Variants in TAF1A observed in about 807,000 individuals in gnomAD.
TAF1A encodes TATA-box binding protein associated factor, RNA polymerase I subunit A, also known as TATA box-binding protein-associated factor RNA polymerase I subunit A.
A neutral mutation model predicts 61.6 loss-of-function variants in TAF1A; 42 were observed. That is an observed-to-expected ratio of 0.68 (90% CI 0.53 to 0.88). The LOEUF is 0.88. Among genes scored for constraint, TAF1A ranks in the 40% least tolerant of loss-of-function variants. The probability of loss-of-function intolerance (pLI) is 0.00; values close to 1 mark genes in which losing one functional copy is unlikely to be tolerated. For synonymous variants in TAF1A, 179 were observed against 177.7 expected (o/e 1.01, Z -0.06); for missense variants, 424 against 518.7 (o/e 0.82, Z 1.77).
At chr1:222,569,896 C>T (rs3002144) in intron 6 of TAF1A, among the ~76,000 whole-genome samples, 152,032 of 152,298 alleles carry the variant, frequency 1, 75,884 homozygotes, top group Non-Finnish European at 1. Context: ...CACTAATGCT[C>T]GAAAATGTGA....
intron 7 of TAF1A, 99 bp from the exon 8 acceptor site, chr1:222,564,224 T>C (rs1467525589): frequency 1.6e-6 from 1 of 614,942 alleles, no homozygotes; most frequent in African/African-American, 1.9e-5. Flanking sequence ...TCTAATATGC[T>C]CCCTTTAAAT....
At chr1:222,576,090 A>T (rs1483465514) in intron 5 of TAF1A, among the ~76,000 whole-genome samples, 1 of 152,238 alleles carries the variant, frequency 6.6e-6, no homozygotes, top group Non-Finnish European at 1.5e-5. Context: ...ATACACATGA[A>T]AAAACTTAGC....
At chr1:222,554,997 T>C (rs561852718), downstream of TAF1A, among the ~76,000 whole-genome samples, 9 of 152,298 alleles carry the variant, frequency 5.9e-5, no homozygotes, top group African/African-American at 1.7e-4. Context: ...AGGACCTACA[T>C]AGACACTTCT....
chr1:222,585,333 C>G (rs1403381790), intron 2 of TAF1A, among the ~76,000 whole-genome samples: 1 of 151,522 alleles, frequency 6.6e-6, no homozygotes, highest in African/African-American at 2.4e-5. Context: ...TAAGGTTTCT[C>G]AGAATTTATG....
At chr1:222,561,666 T>A (rs1659922908) in intron 9 of TAF1A, 148 bp from the exon 10 acceptor site, 8 of 717,110 alleles carry the variant, frequency 1.1e-5, no homozygotes, top group Non-Finnish European at 1.7e-5. Flanking sequence ...TAACACATGA[T>A]TGGCAACAGC....
rs535786707 is a variant in TAF1A at position 222,569,838 on chromosome 1, A to G, written c.736-170T>C. Among the ~76,000 whole-genome samples, 20 of 152,276 alleles carry G rather than the reference A, an allele frequency of 1.3e-4. No individual in the cohort carries two copies. In the East Asian group the frequency reaches 3.1e-3, roughly 23 times the overall value. On this transcript the variant is annotated intron_variant, in intron 6 of 10. Transcript: ENST00000352967. Reference sequence around the variant, plus strand: ...TACTAATAAACAATGCAGCAACCTCAACATAAATTCTCTTCCTATAAAAAA... The same window carrying G: ...TACTAATAAACAATGCAGCAACCTCGACATAAATTCTCTTCCTATAAAAAA...
intron 1 of TAF1A, 51 bp from the exon 2 acceptor site, chr1:222,588,616 C>CAGAA: frequency 6.3e-7 from 1 of 1,575,308 alleles, no homozygotes; most frequent in East Asian, 2.3e-5. Context: ...AATCCACAGT[C>CAGAA]TTCTGAGTTG....
chr1:222,561,061 A>G (rs1659893920), intron 10 of TAF1A, among the ~76,000 whole-genome samples: 1 of 152,182 alleles, frequency 6.6e-6, no homozygotes, highest in Admixed American at 6.6e-5. Context: ...AAATCTCAGT[A>G]AACTTTCTAT....
intron 5 of TAF1A, among the ~76,000 whole-genome samples, chr1:222,575,393 A>C (rs1327883957): frequency 6.6e-6 from 1 of 152,002 alleles, no homozygotes; most frequent in Non-Finnish European, 1.5e-5. Context: ...CTGTAGTCCC[A>C]AGTCCTTGGG....
At chr1:222,568,000 A>T (rs1022268973) in intron 7 of TAF1A, among the ~76,000 whole-genome samples, 3 of 152,128 alleles carry the variant, frequency 2.0e-5, no homozygotes, top group African/African-American at 7.2e-5. Context: ...CAGACTTCAT[A>T]TACAGCCTAC....
intron 8 of TAF1A, 23 bp from the exon 9 acceptor site, chr1:222,563,319 A>G (rs112922349): frequency 6.2e-7 from 1 of 1,608,768 alleles, no homozygotes; most frequent in Non-Finnish European, 8.5e-7. Context: ...TAACAGTTCA[A>G]GTTTACATAA....
intron 4 of TAF1A, among the ~76,000 whole-genome samples, chr1:222,578,261 T>A (rs1358762962): frequency 6.6e-6 from 1 of 152,088 alleles, no homozygotes; most frequent in African/African-American, 2.4e-5. Context: ...AAGAGGAGAA[T>A]AATGAGAACT....
chr1:222,569,812 C>G, intron 6 of TAF1A, 144 bp from the exon 7 acceptor site: 1 of 708,152 alleles, frequency 1.4e-6, no homozygotes, highest in East Asian at 2.8e-5. Flanking sequence ...TATTTTGTTA[C>G]TACTAATAAA....
chr1:222,585,582 G>A (rs1660979358), intron 2 of TAF1A, among the ~76,000 whole-genome samples: 1 of 152,082 alleles, frequency 6.6e-6, no homozygotes, highest in African/African-American at 2.4e-5. Context: ...AAAGTGCTGG[G>A]ATTATGAGCA....
At chr1:222,568,165 C>A (rs1660191127) in intron 7 of TAF1A, among the ~76,000 whole-genome samples, 1 of 128,612 alleles carries the variant, frequency 7.8e-6, no homozygotes. Context: ...AAACATAAAA[C>A]TATACAACAC....
chr1:222,584,267 G>T lies in TAF1A; in HGVS notation c.152C>A (p.Ala51Asp). 1.2e-6 allele frequency: 2 copies of T among 1,606,446 alleles called. No homozygotes were observed. Residue 51 changes from alanine (A) to aspartate (D), a missense_variant, in exon 3 of 11, where the codon GCT becomes GAT. Ala to Asp is a moderately radical substitution (Grantham distance 126). Coordinates refer to ENST00000352967, the MANE Select transcript of TAF1A (RefSeq NM_005681.4). ...AIGGKRRKDFAQTTSACLSFI... is the reference protein window; with the variant it reads ...AIGGKRRKDFDQTTSACLSFI... ...ACTTAAACAAGCACTTGTTGTCTGAGCAAAATCCTTCCTCCTTTTCCCTCC... is the reference window on the plus strand; with the variant it reads ...ACTTAAACAAGCACTTGTTGTCTGATCAAAATCCTTCCTCCTTTTCCCTCC...
In TAF1A at chr1:222,558,531, T is replaced by C; in HGVS notation, c.*129A>G. ...TCTAGCTATAAATAATACAAAAATA[T>C]AAAAATATATAAAAATAAGTTTTTT... On this transcript the variant is annotated 3_prime_UTR_variant, in exon 11 of 11. Transcript: ENST00000352967. 5.7e-6 allele frequency: 2 copies of C among 353,546 alleles called. No individual in the cohort carries two copies. The highest frequency in any genetic ancestry group is 1.0e-5 in the Non-Finnish European group (2 of 197,586). The allele number at this position is 353,546 out of a possible 1,614,324, so 21.9% of individuals were successfully genotyped here. A position where few individuals can be genotyped will look rare whatever the true frequency, so the allele number is the denominator to read the frequency against.
At position 222,568,602 on chromosome 1, in the gene TAF1A, C is replaced by A. The variant is rs74430774; in HGVS notation, c.894+908G>T. Among the ~76,000 whole-genome samples, 1,039 of 152,224 alleles carry A rather than the reference C, an allele frequency of 6.8e-3. 24 individuals carry two copies. The East Asian group carries it at 0.077, about 11-fold the overall frequency. ...CTATTATTCAAAAGACCTCCAATAC[C>A]AAGTGTTGGCACAGATGTGGAGAAA... On this transcript the variant is annotated intron_variant, in intron 7 of 10. Coordinates refer to ENST00000352967, the MANE Select transcript of TAF1A (RefSeq NM_005681.4).
Position 222,577,481 on chromosome 1 carries a change from T to C in TAF1A, c.568A>G (p.Thr190Ala). 6.2e-7 allele frequency: 1 copy of C among 1,613,930 alleles called. No homozygotes were observed. Among genetic ancestry groups the C allele is most frequent in the Non-Finnish European group, 8.5e-7 (1 of 1,179,896 alleles). Reference sequence around the variant, plus strand: ...AATTCCATCTTCTTTTCAGACCAGGTATAATACTGTAAAAGCCCTTTATAG... The same window carrying C: ...AATTCCATCTTCTTTTCAGACCAGGCATAATACTGTAAAAGCCCTTTATAG... ...QAYKGLLQYY[T>A]WSEKKMELSK... is the part of the protein sequence containing the mutation. Residue 190 changes from threonine (T) to alanine (A), a missense_variant, in exon 5 of 11, where the codon ACC (threonine) becomes GCC (alanine). Thr to Ala is a moderately conservative substitution (Grantham distance 58). Transcript: ENST00000352967.
Sources: allele counts gnomAD v4.1 joint callset (sites outside exome capture counted in the v4.1 genomes callset), GRCh38; gene constraint gnomAD v4.1.1; transcripts MANE v1.5; gene names NCBI Gene and HGNC (gene_info 2026-07-23, HGNC 2026-07-21).